The following DZIP3 variants were observed in gnomAD, a reference collection of about 807,000 sequenced individuals.
DZIP3 encodes DAZ interacting zinc finger protein 3, also known as E3 ubiquitin-protein ligase DZIP3.
DZIP3 carries 118 observed loss-of-function variants against 162.0 expected under a neutral mutation model. The observed-to-expected ratio is 0.73, with a 90% CI of 0.63 to 0.85. The LOEUF (loss-of-function observed/expected upper bound fraction) is 0.85. DZIP3 is among the 40% of genes least tolerant of loss of function. The pLI is 0.00. For synonymous variants in DZIP3, 438 were observed against 458.6 expected (o/e 0.96, Z 0.57); for missense variants, 1,331 against 1,407.0 (o/e 0.95, Z 0.86).
intron 7 of DZIP3, among the ~76,000 whole-genome samples, chr3:108,627,769 G>A (rs1417682118): frequency 1.3e-5 from 2 of 152,144 alleles, no homozygotes; most frequent in African/African-American, 4.8e-5. Flanking sequence ...TTCTAGTAGG[G>A]TTCTGCAATT....
At position 108,644,185 on chromosome 3, in the gene DZIP3, T is replaced by G; in HGVS notation, c.1163T>G (p.Leu388Arg). 1 of 1,601,914 alleles carries G rather than the reference T, an allele frequency of 6.2e-7. No homozygotes were observed. Among genetic ancestry groups the G allele is most frequent in the Non-Finnish European group, 8.5e-7 (1 of 1,175,896 alleles). The change falls in exon 14 of 33, where the codon CTT becomes CGT. Residue 388 changes from leucine (L) to arginine (R), a missense_variant. This residue lies in a region of DZIP3 where 1,278 missense variants were observed against 1,317.1 expected (regional missense o/e 0.97). Coordinates refer to ENST00000361582, the MANE Select transcript of DZIP3 (RefSeq NM_014648.4). ...TCAGATGAAATGCCTATCTTCAAGC[T>G]TGATTATAATTATTTCTATCATCTG... is the stretch of plus-strand genomic sequence containing the variant. The part of the protein sequence containing the change: ...NTKDEMPIFK[L>R]DYNYFYHLLH...
At position 108,669,689 on chromosome 3, in the gene DZIP3, G is replaced by A. The variant is rs756611569; in HGVS notation, c.2432G>A (p.Arg811His). The A allele has an allele frequency of 5.1e-5, 82 of 1,610,610 alleles. No individual in the cohort carries two copies. Among genetic ancestry groups the A allele is most frequent in the Non-Finnish European group, 5.9e-5 (70 of 1,178,050 alleles). Residue 811 changes from arginine (R) to histidine (H), a missense_variant, in exon 22 of 33, where the codon CGT becomes CAT. Around this residue, in one of 2 missense-constraint regions of DZIP3, gnomAD observed 1,278 missense variants for 1,317.1 expected, o/e 0.97. Transcript: ENST00000361582. The part of the protein sequence containing the change: ...FGINKVSKLQ[R>H]QIHAKDNEIK... ...CTTGCTTGTTTGCTTAGATTACAGC[G>A]TCAAATCCATGCTAAAGATAATGAA...
intron 1 of DZIP3, among the ~76,000 whole-genome samples, chr3:108,600,580 A>G (rs1195769971): frequency 1.3e-5 from 2 of 152,208 alleles, no homozygotes; most frequent in Non-Finnish European, 2.9e-5. Context: ...TCTCATTAAC[A>G]TTCCTTTCCA....
chr3:108,635,091 T>TTTTTTC (rs1243106710), intron 10 of DZIP3, 119 bp downstream of exon 10: 7 of 569,892 alleles, frequency 1.2e-5, no homozygotes, highest in Admixed American at 3.7e-5. Context: ...ACTTCCTCCT[T>TTTTTTC]TTTTTCTTTT....
At chr3:108,626,097 C>A in intron 7 of DZIP3, 128 bp downstream of exon 7, 1 of 1,087,718 alleles carries the variant, frequency 9.2e-7, no homozygotes, top group Non-Finnish European at 1.3e-6. Flanking sequence ...TTCTTCTTTG[C>A]CTATTTGTAT....
intron 1 of DZIP3, among the ~76,000 whole-genome samples, chr3:108,599,868 A>G (rs1939906342): frequency 6.6e-6 from 1 of 152,144 alleles, no homozygotes; most frequent in African/African-American, 2.4e-5. Flanking sequence ...TTGATCTCAG[A>G]CTTCTAGCCT....
chr3:108,671,397 T>C (rs1294455262), intron 22 of DZIP3, among the ~76,000 whole-genome samples: 1 of 151,908 alleles, frequency 6.6e-6, no homozygotes, highest in African/African-American at 2.4e-5. Flanking sequence ...ATTAATTGTT[T>C]TCATTAAATT....
intron 19 of DZIP3, among the ~76,000 whole-genome samples, chr3:108,657,476 G>C (rs1024219229): frequency 5.3e-5 from 8 of 152,230 alleles, no homozygotes; most frequent in East Asian, 1.9e-4. Context: ...CCCTAAAAGA[G>C]CTCCTGAAGG....
intron 19 of DZIP3, among the ~76,000 whole-genome samples, chr3:108,657,891 G>A (rs996899703): frequency 1.3e-5 from 2 of 152,152 alleles, no homozygotes; most frequent in Non-Finnish European, 2.9e-5. Flanking sequence ...AAGAGACAAA[G>A]AAGGTCTTTA....
chr3:108,662,202 A>G lies in DZIP3; in HGVS notation c.2368A>G (p.Lys790Glu). The G allele has an allele frequency of 6.2e-7, 1 of 1,610,260 alleles. No individual in the cohort carries two copies. Among genetic ancestry groups the G allele is most frequent in the Admixed American group, 1.7e-5 (1 of 59,004 alleles). ...ENQMQIKKKD[K>E]IIASLNQQVA... ...CCAAATGCAGATTAAAAAGAAAGAC[A>G]AAATTATCGCATCTCTTAATCAACA... is the stretch of plus-strand genomic sequence containing the variant. The change falls in exon 21 of 33, where the codon AAA (lysine) becomes GAA (glutamate). Residue 790 changes from lysine (K) to glutamate (E), a missense_variant. By Grantham distance (56) the Lys-to-Glu change is moderately conservative (BLOSUM62 1). Transcript: ENST00000361582.
At chr3:108,606,104 T>A (rs1940352261) in intron 2 of DZIP3, among the ~76,000 whole-genome samples, 1 of 152,254 alleles carries the variant, frequency 6.6e-6, no homozygotes, top group South Asian at 2.1e-4. Flanking sequence ...TTGTTTTTAG[T>A]GTTTTTACAT....
At chr3:108,616,141 G>A (rs1233720481) in intron 4 of DZIP3, among the ~76,000 whole-genome samples, 1 of 152,066 alleles carries the variant, frequency 6.6e-6, no homozygotes, top group African/African-American at 2.4e-5. Context: ...GTGGGTGTCT[G>A]TAGTCCCAGA....
rs1018052501 is a variant in DZIP3, at chr3:108,636,612, T to G, written c.919-4T>G. 7 of 1,531,608 alleles carry G rather than the reference T, an allele frequency of 4.6e-6. No homozygotes were observed. Among genetic ancestry groups the G allele is most frequent in the Non-Finnish European group, 6.1e-6 (7 of 1,144,338 alleles). 94.9% of individuals were successfully genotyped at this position (1,531,608 alleles called of 1,614,324 possible). A position where few individuals can be genotyped will look rare whatever the true frequency, so the allele number is the denominator to read the frequency against. On this transcript the variant is annotated splice_polypyrimidine_tract_variant and splice_region_variant and intron_variant, in intron 10 of 32. Transcript: ENST00000361582. ...TTTTTATTTTTTTCTATTAATAAAT[T>G]TAGAGTTTTAGTGGGAAAAAATGTT...
chr3:108,592,978 T>G (rs566534144), intron 1 of DZIP3, among the ~76,000 whole-genome samples: 1 of 152,322 alleles, frequency 6.6e-6, no homozygotes, highest in African/African-American at 2.4e-5. Flanking sequence ...TTACATAATT[T>G]AATGAGAATG....
chr3:108,673,539 CAG>C (rs911102546), intron 23 of DZIP3, among the ~76,000 whole-genome samples: 6 of 151,812 alleles, frequency 4.0e-5, no homozygotes, highest in Admixed American at 3.3e-4. Flanking sequence ...TAGTAAAAAA[CAG>C]AGGCTAAATT....
At chr3:108,637,573 TTACCTTTTTTGGAATATGCATA>T (rs1443124890) in intron 12 of DZIP3, 25 bp downstream of exon 12, 2 of 1,593,928 alleles carry the variant, frequency 1.3e-6, no homozygotes, top group Non-Finnish European at 1.7e-6. Flanking sequence ...AAATACTCTG[TTACCTTTTTTGGAATATGCATA>T]TATTTTTTGG....
intron 17 of DZIP3, among the ~76,000 whole-genome samples, chr3:108,649,230 C>A (rs1942762284): frequency 6.6e-6 from 1 of 151,810 alleles, no homozygotes; most frequent in Non-Finnish European, 1.5e-5. Flanking sequence ...ATGGAAATTT[C>A]ATTAATTTCT....
In DZIP3 at chr3:108,596,254, G is replaced by A. The variant is rs146338819; in HGVS notation, c.-73+6415G>A. 2.1e-3 allele frequency among the ~76,000 whole-genome samples: 327 copies of A among 152,286 alleles called. 2 individuals carry two copies. Among genetic ancestry groups the A allele is most frequent in the African/African-American group, 7.6e-3 (314 of 41,552 alleles). ...GATTTGACTGGGTGGCTGTGCTTCA[G>A]CCTTTTCGTGGAGAGGGGCAGATAC... is the stretch of plus-strand genomic sequence containing the variant. On this transcript the variant is annotated intron_variant, in intron 1 of 32. Transcript: ENST00000361582.
chr3:108,672,806 G>C, intron 23 of DZIP3, 150 bp downstream of exon 23: 2 of 656,712 alleles, frequency 3.0e-6, no homozygotes, highest in East Asian at 5.6e-5. Context: ...TGAAAGTCTT[G>C]TGCTTTTTTG....
Sources: allele counts gnomAD v4.1 joint callset (sites outside exome capture counted in the v4.1 genomes callset), GRCh38; gene constraint gnomAD v4.1.1; regional missense constraint gnomAD v4.1.1; transcripts MANE v1.5; gene names NCBI Gene and HGNC (gene_info 2026-07-23, HGNC 2026-07-21).